TRIM24: variants seen among roughly 807,000 people sequenced by gnomAD.
The protein encoded by TRIM24 is transcription intermediary factor 1-alpha.
In TRIM24, 29 loss-of-function variants were observed where a neutral mutation model predicts 123.9. The observed-to-expected ratio is 0.23, with a 90% CI of 0.17 to 0.32. The LOEUF (loss-of-function observed/expected upper bound fraction) is 0.32, where lower values mean the gene tolerates loss of function less well. Ranked by LOEUF, TRIM24 falls within the 10% of genes least tolerant of loss-of-function variation. TRIM24 has a pLI of 1.00. For missense variants in TRIM24, 932 were observed against 1,295.3 expected, an observed-to-expected ratio of 0.72 and a Z score of 4.31; for synonymous variants, 456 against 461.1, an observed-to-expected ratio of 0.99 and a Z score of 0.14.
At chr7:138,508,502 G>A (rs1415333184) in intron 2 of TRIM24, among the ~76,000 whole-genome samples, 1 of 151,950 alleles carries the variant, frequency 6.6e-6, no homozygotes, top group African/African-American at 2.4e-5. Context: ...TTTCTTAACT[G>A]GAATAGAAAG....
chr7:138,582,149 C>T (rs1026991156), intron 17 of TRIM24, among the ~76,000 whole-genome samples: 2 of 152,080 alleles, frequency 1.3e-5, no homozygotes, highest in African/African-American at 2.4e-5. Flanking sequence ...CTTTATAGGT[C>T]CAGACTTCAA....
chr7:138,479,746 G>A (rs1795485668), intron 1 of TRIM24, among the ~76,000 whole-genome samples: 1 of 151,976 alleles, frequency 6.6e-6, no homozygotes, highest in African/African-American at 2.4e-5. Context: ...GATCTCAGGT[G>A]ATCTGCCTGC....
Position 138,576,421 on chromosome 7 carries a change from C to T in TRIM24, c.2063C>T (p.Ala688Val). ...SVHPPIRSPS[A>V]SSVGSRGSSG... ...CACCCCCCAATACGTTCACCTAGTG[C>T]CTCCAGCGTTGGAAGCCGAGGAAGG... Residue 688 changes from alanine (A) to valine (V), a missense_variant, in exon 13 of 19, where the codon GCC becomes GTC. Coordinates refer to ENST00000343526, the MANE Select transcript of TRIM24 (RefSeq NM_015905.3). The T allele has an allele frequency of 6.2e-7, 1 of 1,613,802 alleles. No homozygotes were observed. Among genetic ancestry groups the T allele is most frequent in the Non-Finnish European group, 8.5e-7 (1 of 1,179,762 alleles).
intron 1 of TRIM24, chr7:138,490,459 CTGAGCAGAACTTCTTTACCCA>C (rs1335887098): frequency 6.4e-6 from 1 of 156,050 alleles, no homozygotes; most frequent in African/African-American, 2.4e-5. Context: ...CAGCTTTTCT[CTGAGCAGAACTTCTTTACCCA>C]TTAAGCAAGA....
chr7:138,498,728 C>T (rs778351391), intron 1 of TRIM24, among the ~76,000 whole-genome samples: 2 of 151,906 alleles, frequency 1.3e-5, no homozygotes, highest in Non-Finnish European at 2.9e-5. Context: ...ACCTCTGCCT[C>T]CTGGGTTCAA....
chr7:138,545,450 G>T, intron 7 of TRIM24: 1 of 456,918 alleles, frequency 2.2e-6, no homozygotes, highest in Non-Finnish European at 4.4e-6. Context: ...TATATTGAAG[G>T]TAATCGCAGC....
chr7:138,553,227 G>A (rs1295761037), intron 8 of TRIM24, among the ~76,000 whole-genome samples: 1 of 152,068 alleles, frequency 6.6e-6, no homozygotes, highest in Non-Finnish European at 1.5e-5. Flanking sequence ...TCTAAAGAAG[G>A]AGACAAGTTT....
Position 138,586,881 on chromosome 7 carries a change from TTG to T in TRIM24, c.*1933_*1934del, listed in dbSNP as rs1798029521. The stretch of plus-strand genomic sequence containing the variant: ...AATCATCACAAAAGGGAGTTAGAAC[TTG>T]TGAGACTAAAACTATAATTTCCTAA... On this transcript the variant is annotated 3_prime_UTR_variant, in exon 19 of 19. Coordinates refer to ENST00000343526, the MANE Select transcript of TRIM24 (RefSeq NM_015905.3). 6.6e-6 allele frequency: 1 copy of T among 152,222 alleles called. No individual in the cohort carries two copies. The highest frequency in any genetic ancestry group is 1.5e-5 in the Non-Finnish European group (1 of 68,040). The allele number at this position is 152,222 out of a possible 1,614,324, so 9.4% of individuals were successfully genotyped here. A position where few individuals can be genotyped will look rare whatever the true frequency, so the allele number is the denominator to read the frequency against.
intron 2 of TRIM24, among the ~76,000 whole-genome samples, chr7:138,505,130 T>C (rs1796124964): frequency 1.3e-5 from 2 of 152,122 alleles, no homozygotes; most frequent in Non-Finnish European, 2.9e-5. Flanking sequence ...AGCCAAACAT[T>C]AGTTAATTGA....
intron 1 of TRIM24, among the ~76,000 whole-genome samples, chr7:138,486,727 T>G (rs146926053): frequency 0.013 from 1,986 of 152,306 alleles, 36 homozygotes; most frequent in African/African-American, 0.045. Flanking sequence ...CCATGCTGTT[T>G]TGGTTACTGT....
intron 7 of TRIM24, among the ~76,000 whole-genome samples, chr7:138,550,680 G>A (rs1235118639): frequency 1.3e-5 from 2 of 152,072 alleles, no homozygotes; most frequent in Admixed American, 6.6e-5. Flanking sequence ...CTAAACAGAC[G>A]AATTTGTATT....
intron 6 of TRIM24, among the ~76,000 whole-genome samples, chr7:138,536,984 G>A (rs1584726293): frequency 6.6e-6 from 1 of 152,198 alleles, no homozygotes; most frequent in Admixed American, 6.5e-5. Context: ...AGCAATGAGC[G>A]AGGCTCCGTG....
At chr7:138,474,621 G>A (rs112510310) in intron 1 of TRIM24, among the ~76,000 whole-genome samples, 3 of 152,282 alleles carry the variant, frequency 2.0e-5, no homozygotes, top group African/African-American at 7.2e-5. Flanking sequence ...TCCATTTTGA[G>A]TTAATGTTGG....
chr7:138,516,251 G>A (rs1434276981), intron 3 of TRIM24, among the ~76,000 whole-genome samples: 3 of 152,168 alleles, frequency 2.0e-5, no homozygotes, highest in Admixed American at 6.5e-5. Context: ...GCGGTGAGCC[G>A]AGATCGCACC....
At chr7:138,545,443 A>G (rs949112881) in intron 7 of TRIM24, 2 of 456,798 alleles carry the variant, frequency 4.4e-6, no homozygotes, top group Non-Finnish European at 8.8e-6. Flanking sequence ...AAGTAAATAT[A>G]TTGAAGGTAA....
chr7:138,584,821 A>T lies in TRIM24; in HGVS notation c.3023A>T (p.Lys1008Ile), dbSNP rs762374669. ...CTTCTAAAGAACCTCTATCCAGAAA[A>T]AAGGTTTCCCAAACCAGAATTCAGG... ...EELLKNLYPEKRFPKPEFRNE... is the reference protein window; with the variant it reads ...EELLKNLYPEIRFPKPEFRNE... The change falls in exon 19 of 19, where the codon AAA (lysine) becomes ATA (isoleucine). Residue 1008 changes from lysine to isoleucine, a missense_variant. By Grantham distance (102) the Lys-to-Ile change is moderately radical. Around this residue, in one of 7 missense-constraint regions of TRIM24, gnomAD observed 104 missense variants for 121.5 expected, o/e 0.86. Coordinates refer to ENST00000343526, the MANE Select transcript of TRIM24 (RefSeq NM_015905.3). 3.7e-6 allele frequency: 6 copies of T among 1,613,576 alleles called. 1 individual carries two copies. The South Asian group carries it at 6.6e-5, about 18-fold the overall frequency.
intron 5 of TRIM24, 140 bp from the exon 6 acceptor site, chr7:138,528,976 A>C: frequency 2.4e-6 from 1 of 412,086 alleles, no homozygotes; most frequent in Non-Finnish European, 4.4e-6. Flanking sequence ...CATCTTCAAG[A>C]CAGTCAATTT....
intron 9 of TRIM24, among the ~76,000 whole-genome samples, chr7:138,565,120 C>T (rs1250143339): frequency 6.6e-6 from 1 of 152,084 alleles, no homozygotes; most frequent in South Asian, 2.1e-4. Context: ...GAACTGCGGC[C>T]CCCACACATC....
intron 1 of TRIM24, among the ~76,000 whole-genome samples, chr7:138,485,746 G>A (rs1455026681): frequency 1.3e-5 from 2 of 152,120 alleles, no homozygotes; most frequent in Non-Finnish European, 2.9e-5. Flanking sequence ...TATCACTGAT[G>A]GACATTTGGG....
Sources: gnomAD v4.1 joint callset for allele counts (sites outside exome capture counted in the v4.1 genomes callset) on GRCh38, gnomAD v4.1.1 for gene constraint, gnomAD v4.1.1 regional missense constraint, MANE v1.5 for transcripts, NCBI Gene and HGNC (gene_info 2026-07-23, HGNC 2026-07-21) for gene names.